Variants in SGCZ observed in about 807,000 individuals in gnomAD.
SGCZ encodes sarcoglycan zeta.
SGCZ carries 40 observed loss-of-function variants against 41.3 expected under a neutral mutation model. The observed-to-expected ratio is 0.97, with a 90% confidence interval of 0.75 to 1.26. The LOEUF (loss-of-function observed/expected upper bound fraction) is 1.26, where lower values mean the gene tolerates loss of function less well. SGCZ is among the 50% of genes most tolerant of loss of function. The probability of loss-of-function intolerance (pLI) is 0.00; values close to 1 mark genes in which losing one functional copy is unlikely to be tolerated. For synonymous variants in SGCZ, 206 were observed against 137.5 expected, an observed-to-expected ratio of 1.50 and a Z score of -3.49; for missense variants, 552 against 369.8, an observed-to-expected ratio of 1.49 and a Z score of -4.04.
At position 15,238,076 on chromosome 8, in the gene SGCZ, G is replaced by T. The variant is rs530106856; in HGVS notation, c.-453C>A. 2.6e-5 allele frequency: 4 copies of T among 155,338 alleles called. No homozygotes were observed. Among genetic ancestry groups the T allele is most frequent in the Middle Eastern group, 3.3e-3 (1 of 302 alleles). 9.6% of individuals were successfully genotyped at this position (155,338 alleles called of 1,614,324 possible). ...CTGAAGAGAAGAGTGTATGATAAAA[G>T]GCTTCCTCCGTCAGGCTTACTCTGG... On this transcript the variant is annotated 5_prime_UTR_variant, in exon 1 of 8. Transcript: ENST00000382080.
chr8:14,913,318 C>A lies in SGCZ; in HGVS notation c.39+324267G>T, dbSNP rs547519938. Among the ~76,000 whole-genome samples, 10 of 152,062 alleles carry A rather than the reference C, an allele frequency of 6.6e-5. 1 individual carries two copies. In the South Asian group the frequency reaches 2.1e-3, roughly 32 times the overall value. ...ATCTGTGTACTGCCCTCTTACATAT[C>A]TAAATATCCAGAACAACACTGTCTT... On this transcript the variant is annotated intron_variant, in intron 1 of 7. Transcript: ENST00000382080.
intron 1 of SGCZ, among the ~76,000 whole-genome samples, chr8:14,806,537 G>T (rs983659439): frequency 6.6e-6 from 1 of 152,206 alleles, no homozygotes; most frequent in African/African-American, 2.4e-5. Flanking sequence ...CCAGGAGGAA[G>T]TTGAATCTCT....
intron 1 of SGCZ, among the ~76,000 whole-genome samples, chr8:14,776,749 TC>T (rs2130419976): frequency 6.6e-6 from 1 of 152,210 alleles, no homozygotes; most frequent in African/African-American, 2.4e-5. Flanking sequence ...CACCTGGGCC[TC>T]CCAAAGTGCT....
chr8:14,718,137 T>C lies in SGCZ; in HGVS notation c.40-163211A>G, dbSNP rs184242738. Among the ~76,000 whole-genome samples, 329 of 151,896 alleles carry C rather than the reference T, an allele frequency of 2.2e-3. 1 individual carries two copies. The highest frequency in any genetic ancestry group is 7.6e-3 in the African/African-American group (317 of 41,460). ...GCTAAATGTTATACTTTTTTTATAT[T>C]ATTGAAATACACATATGCATGCACA... On this transcript the variant is annotated intron_variant, in intron 1 of 7. Coordinates refer to ENST00000382080, the MANE Select transcript of SGCZ (RefSeq NM_139167.4).
intron 3 of SGCZ, chr8:14,319,661 T>C (rs576876150): frequency 1.2e-4 from 19 of 152,040 alleles, no homozygotes; most frequent in Admixed American, 9.9e-4. Flanking sequence ...CTGTAGCCAT[T>C]TATATGTAGA....
At chr8:15,014,605 A>C (rs894793701) in intron 1 of SGCZ, among the ~76,000 whole-genome samples, 41 of 152,206 alleles carry the variant, frequency 2.7e-4, no homozygotes, top group African/African-American at 8.0e-4. Flanking sequence ...GTCTATGATC[A>C]GGTATCCATA....
intron 2 of SGCZ, among the ~76,000 whole-genome samples, chr8:14,345,766 A>T (rs1252916694): frequency 6.6e-6 from 1 of 152,166 alleles, no homozygotes; most frequent in East Asian, 1.9e-4. Flanking sequence ...ACTTCAATGG[A>T]AAGAAAATAG....
At chr8:15,114,435 AT>A (rs1213138093) in intron 1 of SGCZ, among the ~76,000 whole-genome samples, 1 of 152,248 alleles carries the variant, frequency 6.6e-6, no homozygotes, top group Non-Finnish European at 1.5e-5. Flanking sequence ...TCAAATTAAA[AT>A]GTATAAGGCA....
intron 1 of SGCZ, among the ~76,000 whole-genome samples, chr8:14,986,689 C>A (rs1404038604): frequency 6.6e-6 from 1 of 151,870 alleles, no homozygotes; most frequent in East Asian, 1.9e-4. Context: ...TAGGTTGAGA[C>A]CTAATTGGAG....
At chr8:14,273,976 G>T (rs1419181410) in intron 3 of SGCZ, among the ~76,000 whole-genome samples, 1 of 152,030 alleles carries the variant, frequency 6.6e-6, no homozygotes, top group African/African-American at 2.4e-5. Context: ...CAAACATTCA[G>T]ACAAATGGTC....
chr8:15,055,217 CCA>C (rs1352519435), intron 1 of SGCZ, among the ~76,000 whole-genome samples: 4 of 152,226 alleles, frequency 2.6e-5, no homozygotes, highest in African/African-American at 9.6e-5. Flanking sequence ...TCTCTGAACT[CCA>C]GTTTCCATAT....
At chr8:14,780,478 G>A (rs7846701) in intron 1 of SGCZ, among the ~76,000 whole-genome samples, 28,719 of 151,612 alleles carry the variant, frequency 0.19, 2,986 homozygotes, top group African/African-American at 0.28. Context: ...AGCCTATCAT[G>A]TGTCATCTAT....
intron 1 of SGCZ, among the ~76,000 whole-genome samples, chr8:14,775,460 AGTGTGTGTGT>A (rs71739993): frequency 2.5e-4 from 37 of 149,206 alleles, no homozygotes; most frequent in Admixed American, 1.2e-3. Flanking sequence ...AGAATATTTG[AGTGTGTGTGT>A]GTGTGTGTGT....
At chr8:14,404,765 C>T (rs922501263) in intron 2 of SGCZ, among the ~76,000 whole-genome samples, 5 of 152,144 alleles carry the variant, frequency 3.3e-5, no homozygotes, top group Non-Finnish European at 5.9e-5. Context: ...GGTTTTTGCT[C>T]TGCTCTTATC....
chr8:14,258,086 G>A (rs1799528046), intron 3 of SGCZ, among the ~76,000 whole-genome samples: 1 of 152,066 alleles, frequency 6.6e-6, no homozygotes, highest in South Asian at 2.1e-4. Context: ...AAGTAGTGAG[G>A]CTGTGTTATT....
intron 1 of SGCZ, among the ~76,000 whole-genome samples, chr8:15,123,975 T>C (rs1454926448): frequency 2.6e-5 from 4 of 152,110 alleles, no homozygotes; most frequent in African/African-American, 9.7e-5. Flanking sequence ...GAGGGAACAT[T>C]GGACAGGTAG....
chr8:14,168,521 G>A (rs1022506882), intron 4 of SGCZ, among the ~76,000 whole-genome samples: 1 of 152,052 alleles, frequency 6.6e-6, no homozygotes, highest in Non-Finnish European at 1.5e-5. Flanking sequence ...TTTTATAAAG[G>A]GGAGTTTCCC....
At chr8:14,526,051 A>G (rs117185056) in intron 2 of SGCZ, among the ~76,000 whole-genome samples, 2,025 of 152,192 alleles carry the variant, frequency 0.013, 23 homozygotes, top group South Asian at 0.026. Context: ...ACCTATCCAT[A>G]TTCGAAAAAG....
chr8:14,513,337 CA>C (rs144066191), intron 2 of SGCZ, among the ~76,000 whole-genome samples: 8 of 152,050 alleles, frequency 5.3e-5, no homozygotes, highest in Non-Finnish European at 1.0e-4. Flanking sequence ...AGTGCCAAAC[CA>C]CTATTACCAG....
Sources: gnomAD v4.1 joint callset for allele counts (sites outside exome capture counted in the v4.1 genomes callset) on GRCh38, gnomAD v4.1.1 for gene constraint, MANE v1.5 for transcripts, NCBI Gene and HGNC (gene_info 2026-07-23, HGNC 2026-07-21) for gene names.